Variants in SPOCK3 observed in about 807,000 individuals in gnomAD.
SPOCK3 encodes SPARC (osteonectin), cwcv and kazal like domains proteoglycan 3, also known as testican-3.
In SPOCK3, 30 loss-of-function variants were observed where a neutral mutation model predicts 56.6. The observed-to-expected ratio is 0.53, with a 90% CI of 0.40 to 0.72. SPOCK3 has a LOEUF of 0.72. Ranked by LOEUF, SPOCK3 falls within the 30% of genes least tolerant of loss-of-function variation. The probability of loss-of-function intolerance (pLI) is 0.00; values close to 1 mark genes in which losing one functional copy is unlikely to be tolerated. For synonymous variants in SPOCK3, 196 were observed against 183.3 expected (o/e 1.07, Z -0.56); for missense variants, 527 against 530.0 (o/e 0.99, Z 0.06).
At chr4:167,203,568 AAGAC>A (rs1350144696) in intron 2 of SPOCK3, among the ~76,000 whole-genome samples, 3 of 151,580 alleles carry the variant, frequency 2.0e-5, no homozygotes, top group East Asian at 1.9e-4. Flanking sequence ...AAAAAAAAAA[AAGAC>A]AGAAAAGAAA....
At chr4:167,047,053 T>A (rs1753800406) in intron 3 of SPOCK3, among the ~76,000 whole-genome samples, 1 of 152,276 alleles carries the variant, frequency 6.6e-6, no homozygotes, top group East Asian at 1.9e-4. Context: ...GAGCTTATGA[T>A]CTCAATCAAG....
intron 3 of SPOCK3, among the ~76,000 whole-genome samples, chr4:167,016,231 A>G (rs1289767676): frequency 6.6e-6 from 1 of 152,134 alleles, no homozygotes; most frequent in African/African-American, 2.4e-5. Flanking sequence ...TAAATATTAG[A>G]AATTTATTTT....
intron 3 of SPOCK3, among the ~76,000 whole-genome samples, chr4:167,038,663 CAAAAAAAAAAA>C (rs558863795): frequency 9.3e-6 from 1 of 107,990 alleles, no homozygotes; most frequent in Non-Finnish European, 1.9e-5. Context: ...TTATTTTTTC[CAAAAAAAAAAA>C]AAAAAAAAAA....
chr4:166,906,338 T>C (rs1030407843), intron 5 of SPOCK3, among the ~76,000 whole-genome samples: 5 of 152,182 alleles, frequency 3.3e-5, no homozygotes, highest in Admixed American at 3.3e-4. Context: ...GGCCACTTTT[T>C]TAAAAATTTT....
intron 6 of SPOCK3, among the ~76,000 whole-genome samples, chr4:166,880,641 T>A (rs1240639590): frequency 6.6e-6 from 1 of 152,200 alleles, no homozygotes; most frequent in African/African-American, 2.4e-5. Flanking sequence ...TAACAATTTT[T>A]CCATCTCGGT....
chr4:166,775,848 T>G (rs17598075), intron 7 of SPOCK3, among the ~76,000 whole-genome samples: 30,946 of 152,146 alleles, frequency 0.2, 3,735 homozygotes, highest in Non-Finnish European at 0.28. Context: ...TGCCAAACAC[T>G]GTAAAGAGTG....
chr4:167,115,882 A>G (rs1761286620), intron 2 of SPOCK3, among the ~76,000 whole-genome samples: 1 of 152,102 alleles, frequency 6.6e-6, no homozygotes. Context: ...TACACTTCAA[A>G]TTGCAGAAGA....
chr4:167,060,706 G>A (rs549902100), intron 3 of SPOCK3, among the ~76,000 whole-genome samples: 16 of 152,052 alleles, frequency 1.1e-4, no homozygotes, highest in Middle Eastern at 3.4e-3. Context: ...AAATATCATC[G>A]GGATGCCATT....
chr4:166,910,113 TA>T (rs1737099166), intron 5 of SPOCK3, among the ~76,000 whole-genome samples: 1 of 152,170 alleles, frequency 6.6e-6, no homozygotes, highest in Admixed American at 6.6e-5. Flanking sequence ...GAGTTCTACT[TA>T]GTTTTTCATT....
At chr4:166,947,403 T>C (rs1741900129) in intron 4 of SPOCK3, among the ~76,000 whole-genome samples, 1 of 152,202 alleles carries the variant, frequency 6.6e-6, no homozygotes, top group South Asian at 2.1e-4. Flanking sequence ...ATTTCCTGAA[T>C]GTTCATTCAT....
intron 4 of SPOCK3, among the ~76,000 whole-genome samples, chr4:166,952,973 TA>T (rs1742871454): frequency 6.6e-6 from 1 of 150,600 alleles, no homozygotes; most frequent in Non-Finnish European, 1.5e-5. Context: ...CCTAAAACCA[TA>T]AAAACCCTAG....
intron 2 of SPOCK3, among the ~76,000 whole-genome samples, chr4:167,177,718 T>A (rs1027519233): frequency 1.3e-5 from 2 of 152,162 alleles, no homozygotes; most frequent in African/African-American, 4.8e-5. Context: ...TTGTGGTTTT[T>A]ACACTGACCT....
rs1215439432 is a variant in SPOCK3 at position 167,112,897 on chromosome 4, T to C, written c.190-50360A>G. Reference sequence around the variant, plus strand: ...GATGTGTTAAGTGTAAACCAAGAACTACATGAAAGTAGGCCTGTGTGCTTG... The same window carrying C: ...GATGTGTTAAGTGTAAACCAAGAACCACATGAAAGTAGGCCTGTGTGCTTG... On this transcript the variant is annotated intron_variant, in intron 2 of 10. Transcript: ENST00000357545. Among the ~76,000 whole-genome samples, 4 of 152,090 alleles carry C rather than the reference T, an allele frequency of 2.6e-5. No individual in the cohort carries two copies. The East Asian group carries it at 7.7e-4, about 29-fold the overall frequency.
intron 8 of SPOCK3, among the ~76,000 whole-genome samples, chr4:166,753,586 A>T (rs935360359): frequency 6.6e-6 from 1 of 152,062 alleles, no homozygotes; most frequent in South Asian, 2.1e-4. Flanking sequence ...TATTGAGATA[A>T]TAAACTACCC....
intron 4 of SPOCK3, among the ~76,000 whole-genome samples, chr4:166,917,538 T>C (rs527237347): frequency 7.2e-5 from 11 of 152,136 alleles, no homozygotes; most frequent in Non-Finnish European, 1.2e-4. Flanking sequence ...TTTCAGAGAA[T>C]TATTTTTTCA....
At chr4:167,164,548 C>A (rs1012596556) in intron 2 of SPOCK3, among the ~76,000 whole-genome samples, 1 of 151,686 alleles carries the variant, frequency 6.6e-6, no homozygotes, top group Non-Finnish European at 1.5e-5. Flanking sequence ...AGGTTTTAAG[C>A]CCCACATGCA....
intron 3 of SPOCK3, among the ~76,000 whole-genome samples, chr4:167,033,600 C>A (rs1205735349): frequency 6.6e-6 from 1 of 151,834 alleles, no homozygotes; most frequent in Admixed American, 6.6e-5. Context: ...ACATGGCATG[C>A]AGGCCTTCAC....
chr4:167,059,100 T>C (rs1165985728), intron 3 of SPOCK3, among the ~76,000 whole-genome samples: 2 of 152,014 alleles, frequency 1.3e-5, no homozygotes, highest in South Asian at 2.1e-4. Context: ...GGCAAGGACT[T>C]CATGTCTAAA....
intron 6 of SPOCK3, among the ~76,000 whole-genome samples, chr4:166,880,545 T>A (rs545070150): frequency 3.3e-4 from 50 of 152,318 alleles, no homozygotes; most frequent in African/African-American, 1.1e-3. Flanking sequence ...AAGGCAAATG[T>A]GTCTATACTT....
Sources: allele counts gnomAD v4.1 joint callset (sites outside exome capture counted in the v4.1 genomes callset), GRCh38; gene constraint gnomAD v4.1.1; transcripts MANE v1.5; gene names NCBI Gene and HGNC (gene_info 2026-07-23, HGNC 2026-07-21).